Variants in ADGRL3 observed in about 807,000 individuals in gnomAD.
The protein encoded by ADGRL3 is calcium-independent alpha-latrotoxin receptor 3.
ADGRL3 carries 62 observed loss-of-function variants against 153.5 expected under a neutral mutation model. The observed-to-expected ratio is 0.40, with a 90% confidence interval of 0.33 to 0.50. The LOEUF (loss-of-function observed/expected upper bound fraction) is 0.50. ADGRL3 is among the 20% of genes least tolerant of loss of function. The pLI is 0.47. For synonymous variants in ADGRL3, 710 were observed against 672.5 expected, an observed-to-expected ratio of 1.06 and a Z score of -0.86; for missense variants, 1,641 against 1,859.4, an observed-to-expected ratio of 0.88 and a Z score of 2.16.
chr4:61,732,952 C>T lies in ADGRL3; in HGVS notation c.797C>T (p.Thr266Ile), dbSNP rs753743752. The change falls in exon 8 of 27, where the codon ACA (threonine) becomes ATA (isoleucine). Residue 266 changes from threonine (T) to isoleucine (I), a missense_variant. Transcript: ENST00000683033. Reference protein sequence around the residue: ...KDDFIAGRPTTTYKLPHRVDG... With the variant: ...KDDFIAGRPTITYKLPHRVDG... Reference sequence around the variant, plus strand: ...GACTTCATTGCTGGAAGACCAACTACAACCTACAAGCTCCCTCACAGGGTG... The same window carrying T: ...GACTTCATTGCTGGAAGACCAACTATAACCTACAAGCTCCCTCACAGGGTG... 4 of 1,613,766 alleles carry T rather than the reference C, an allele frequency of 2.5e-6. No individual in the cohort carries two copies. In the East Asian group the frequency reaches 8.9e-5, roughly 36 times the overall value.
chr4:61,923,639 T>G (rs987063513), intron 13 of ADGRL3, among the ~76,000 whole-genome samples: 2 of 152,174 alleles, frequency 1.3e-5, no homozygotes, highest in Non-Finnish European at 2.9e-5. Flanking sequence ...TTTCTCCTTC[T>G]CTTCATTCCA....
At chr4:61,663,659 C>A (rs1284236630) in intron 5 of ADGRL3, among the ~76,000 whole-genome samples, 1 of 152,198 alleles carries the variant, frequency 6.6e-6, no homozygotes, top group Non-Finnish European at 1.5e-5. Context: ...ATGCCACCAG[C>A]TACAGAGGTT....
chr4:61,391,677 G>T (rs1441639464), intron 2 of ADGRL3, among the ~76,000 whole-genome samples: 1 of 151,458 alleles, frequency 6.6e-6, no homozygotes, highest in Admixed American at 6.6e-5. Flanking sequence ...TTTTGTTCCA[G>T]TTTCTATTTA....
At chr4:61,430,158 C>G (rs1383428027) in intron 2 of ADGRL3, among the ~76,000 whole-genome samples, 1 of 152,116 alleles carries the variant, frequency 6.6e-6, no homozygotes. Flanking sequence ...TGCCTTTCAT[C>G]ATAACTGAAG....
intron 8 of ADGRL3, 146 bp from the exon 9 acceptor site, chr4:61,813,662 GT>G: frequency 1.3e-6 from 1 of 773,766 alleles, no homozygotes; most frequent in East Asian, 2.8e-5. Context: ...ATGACACATT[GT>G]TTTTATGTTT....
At chr4:61,916,254 A>G (rs529600267) in intron 13 of ADGRL3, among the ~76,000 whole-genome samples, 27 of 152,318 alleles carry the variant, frequency 1.8e-4, no homozygotes, top group African/African-American at 6.0e-4. Context: ...ATTAAGTTTA[A>G]TATACATATT....
intron 11 of ADGRL3, among the ~76,000 whole-genome samples, chr4:61,908,790 C>T (rs997481964): frequency 6.6e-6 from 1 of 151,974 alleles, no homozygotes; most frequent in African/African-American, 2.4e-5. Context: ...TTTACTTATT[C>T]TTGTTTCTTC....
intron 3 of ADGRL3, among the ~76,000 whole-genome samples, chr4:61,504,371 T>C (rs1311495990): frequency 6.6e-6 from 1 of 152,200 alleles, no homozygotes; most frequent in Non-Finnish European, 1.5e-5. Context: ...TTTTTAATCA[T>C]TATGGATATT....
chr4:61,673,355 T>G (rs1348225538), intron 5 of ADGRL3, among the ~76,000 whole-genome samples: 1 of 151,880 alleles, frequency 6.6e-6, no homozygotes, highest in Non-Finnish European at 1.5e-5. Flanking sequence ...TTAATTAGCC[T>G]TATTGTGGTA....
intron 4 of ADGRL3, among the ~76,000 whole-genome samples, chr4:61,558,629 ATCTG>A (rs1175965097): frequency 3.4e-4 from 51 of 151,792 alleles, no homozygotes; most frequent in African/African-American, 1.1e-3. Context: ...TCAATCATCT[ATCTG>A]TCTGTCTGTC....
At chr4:61,448,769 AG>A (rs2097625958) in intron 2 of ADGRL3, among the ~76,000 whole-genome samples, 1 of 18,598 alleles carries the variant, frequency 5.4e-5, no homozygotes, top group Non-Finnish European at 2.1e-4. Context: ...GAAGGAAGAG[AG>A]GGAAGGAGGG....
intron 8 of ADGRL3, among the ~76,000 whole-genome samples, chr4:61,799,601 C>A (rs1269954713): frequency 6.6e-6 from 1 of 152,060 alleles, no homozygotes; most frequent in Non-Finnish European, 1.5e-5. Flanking sequence ...GGATGCAGAA[C>A]CCCCAAGAGG....
At chr4:61,368,265 G>T (rs1009525350) in intron 1 of ADGRL3, among the ~76,000 whole-genome samples, 1 of 152,102 alleles carries the variant, frequency 6.6e-6, no homozygotes, top group African/African-American at 2.4e-5. Context: ...GTCAATTTTG[G>T]CTTTTGTTGC....
At chr4:61,372,047 C>T (rs1167405469) in intron 1 of ADGRL3, among the ~76,000 whole-genome samples, 1 of 152,160 alleles carries the variant, frequency 6.6e-6, no homozygotes, top group African/African-American at 2.4e-5. Flanking sequence ...CTGCATTCTT[C>T]ACGTAGTTCT....
chr4:61,744,183 C>T (rs554011658), intron 8 of ADGRL3, among the ~76,000 whole-genome samples: 7 of 152,298 alleles, frequency 4.6e-5, no homozygotes, highest in South Asian at 4.1e-4. Context: ...ATTGCCCAGG[C>T]TAGCTTAGGT....
chr4:61,390,413 C>T (rs1395324577), intron 2 of ADGRL3, among the ~76,000 whole-genome samples: 1 of 152,024 alleles, frequency 6.6e-6, no homozygotes, highest in African/African-American at 2.4e-5. Flanking sequence ...AAGGATGCTA[C>T]GTTGAATAGA....
At chr4:62,060,139 T>C (rs1310163335) in intron 25 of ADGRL3, among the ~76,000 whole-genome samples, 1 of 152,026 alleles carries the variant, frequency 6.6e-6, no homozygotes, top group Non-Finnish European at 1.5e-5. Flanking sequence ...CTTCCTTGCG[T>C]TTGATTCTTC....
At chr4:61,253,340 T>G (rs2091639710) in intron 1 of ADGRL3, among the ~76,000 whole-genome samples, 1 of 152,194 alleles carries the variant, frequency 6.6e-6, no homozygotes, top group Non-Finnish European at 1.5e-5. Flanking sequence ...TAATTTACTT[T>G]TGTATTGCAG....
At chr4:61,256,317 T>G (rs2091962279) in intron 1 of ADGRL3, among the ~76,000 whole-genome samples, 1 of 152,166 alleles carries the variant, frequency 6.6e-6, no homozygotes, top group Non-Finnish European at 1.5e-5. Flanking sequence ...TGCCTCTTCT[T>G]TCCTTGTTAT....
Sources: allele counts gnomAD v4.1 joint callset (sites outside exome capture counted in the v4.1 genomes callset), GRCh38; gene constraint gnomAD v4.1.1; transcripts MANE v1.5; gene names NCBI Gene and HGNC (gene_info 2026-07-23, HGNC 2026-07-21).